Variants in TCOF1 observed in about 807,000 individuals in gnomAD.
The protein encoded by TCOF1 is treacle protein.
Under a neutral mutation model 149.0 loss-of-function variants are expected in TCOF1, and 33 were observed. The ratio of observed to expected loss-of-function variants is 0.22; its 90% CI spans 0.17 to 0.30. The LOEUF (loss-of-function observed/expected upper bound fraction) is 0.30. Ranked by LOEUF, TCOF1 falls within the 10% of genes least tolerant of loss-of-function variation. The pLI is 1.00. For missense variants in TCOF1, 1,728 were observed against 1,840.7 expected, an observed-to-expected ratio of 0.94 and a Z score of 1.12; for synonymous variants, 789 against 738.8, an observed-to-expected ratio of 1.07 and a Z score of -1.10.
Position 150,396,321 on chromosome 5 carries a change from C to T in TCOF1, c.3824C>T (p.Ser1275Phe). 6.2e-7 allele frequency: 1 copy of T among 1,613,980 alleles called. No individual in the cohort carries two copies. The highest frequency in any genetic ancestry group is 8.5e-7 in the Non-Finnish European group (1 of 1,180,048). ...EAASGTTPQK[S>F]RKPKKGAGNP... ...GCTTCAGGCACCACACCTCAGAAGT[C>T]CCGGAAGCCCAAGAAAGGGGCTGGG... Residue 1275 changes from serine (S) to phenylalanine (F), a missense_variant, in exon 24 of 27, where the codon TCC becomes TTC. This residue lies in a region of TCOF1 where 1,696 missense variants were observed against 1,765.4 expected (regional missense o/e 0.96). Transcript: ENST00000643257.
Position 150,379,901 on chromosome 5 carries a change from G to A in TCOF1, c.2859+169G>A, listed in dbSNP as rs148432105. 53,058 of 758,060 alleles carry A rather than the reference G, an allele frequency of 0.07. 2,245 individuals are homozygous for A. Among genetic ancestry groups the A allele is most frequent in the South Asian group, 0.093 (6,174 of 66,684 alleles). The allele number at this position is 758,060 out of a possible 1,614,324, so 47.0% of individuals were successfully genotyped here. A position where few individuals can be genotyped will look rare whatever the true frequency, so the allele number is the denominator to read the frequency against. On this transcript the variant is annotated intron_variant, in intron 17 of 26. Transcript: ENST00000643257. ...AGCCTGGCCAACATGGTGAAACCCC[G>A]TCTCTACTAAAAATATAAAAATTAG...
intron 18 of TCOF1, 70 bp from the exon 19 acceptor site, chr5:150,389,817 G>C: frequency 1.9e-6 from 3 of 1,612,742 alleles, no homozygotes; most frequent in Non-Finnish European, 2.5e-6. Context: ...GGTAAATTGG[G>C]TTATTGCCGC....
chr5:150,379,397 ACGC>A lies in TCOF1; in HGVS notation c.2648_2650del (p.Thr883_Leu884delinsMet). 6.2e-7 allele frequency: 1 copy of A among 1,613,156 alleles called. No homozygotes were observed. The highest frequency in any genetic ancestry group is 1.1e-5 in the South Asian group (1 of 91,022). The stretch of plus-strand genomic sequence containing the variant: ...GTCAGACAGTGAGGAGGAGGCGGAG[ACGC>A]TGGCTCAGGTGAGGGGGAGGGAATG... On this transcript the variant is annotated inframe_deletion, in exon 16 of 27. Coordinates refer to ENST00000643257, the MANE Select transcript of TCOF1 (RefSeq NM_001371623.1).
At chr5:150,367,685 A>G in intron 3 of TCOF1, 159 bp from the exon 4 acceptor site, 1 of 776,380 alleles carries the variant, frequency 1.3e-6, no homozygotes, top group Non-Finnish European at 2.2e-6. Context: ...CTGATGCATC[A>G]CAGAGCTCAT....
chr5:150,362,110 G>A (rs1050468288), intron 2 of TCOF1, among the ~76,000 whole-genome samples: 3 of 152,198 alleles, frequency 2.0e-5, no homozygotes, highest in Non-Finnish European at 1.5e-5. Flanking sequence ...ATGGGTGGGA[G>A]AGGAAGTATC....
intron 3 of TCOF1, 52 bp downstream of exon 3, chr5:150,364,304 G>A: frequency 6.2e-7 from 1 of 1,611,596 alleles, no homozygotes; most frequent in Non-Finnish European, 8.5e-7. Flanking sequence ...ATTGTTCTAG[G>A]GTAGAGTCTA....
intron 17 of TCOF1, among the ~76,000 whole-genome samples, chr5:150,383,555 C>G (rs1431245053): frequency 6.6e-6 from 1 of 152,228 alleles, no homozygotes; most frequent in Non-Finnish European, 1.5e-5. Context: ...GCCACAGTCC[C>G]CTGCCTAAGA....
chr5:150,384,291 T>A, intron 17 of TCOF1: 6 of 989,316 alleles, frequency 6.1e-6, no homozygotes, highest in Non-Finnish European at 7.2e-6. Context: ...TTCTGTTTAA[T>A]CTCCACAACA....
chr5:150,398,497 C>T (rs551119201), intron 25 of TCOF1, 46 bp downstream of exon 25: 20 of 1,613,126 alleles, frequency 1.2e-5, no homozygotes, highest in Middle Eastern at 1.7e-4. Flanking sequence ...AGACCCAAAC[C>T]CAAGCCCCCT....
At position 150,369,630 on chromosome 5, in the gene TCOF1, C is replaced by T. The variant is rs756285419; in HGVS notation, c.639+28C>T. 7 of 1,612,474 alleles carry T rather than the reference C, an allele frequency of 4.3e-6. No individual in the cohort carries two copies. In the African/African-American group the frequency reaches 9.3e-5, roughly 22 times the overall value. On this transcript the variant is annotated intron_variant, in intron 6 of 26. Transcript: ENST00000643257. ...AATTGCCACCCATCCCTAGGAGTTGCCCTCTCCCAGCCTCTAACCCTTCCA... is the reference window on the plus strand; with the variant it reads ...AATTGCCACCCATCCCTAGGAGTTGTCCTCTCCCAGCCTCTAACCCTTCCA...
intron 3 of TCOF1, among the ~76,000 whole-genome samples, chr5:150,367,157 T>C (rs1489565671): frequency 6.6e-6 from 1 of 151,774 alleles, no homozygotes; most frequent in Non-Finnish European, 1.5e-5. Context: ...TACAAAAAAT[T>C]AGCCAGGCAT....
Position 150,379,090 on chromosome 5 carries a change from A to G in TCOF1, c.2478+48A>G, listed in dbSNP as rs765421120. 16 of 1,613,696 alleles carry G rather than the reference A, an allele frequency of 9.9e-6. 1 individual carries two copies. The South Asian group carries it at 1.8e-4, about 18-fold the overall frequency. The stretch of plus-strand genomic sequence containing the variant: ...GGAGGTGTGGAGGGTTGGGGTAGAG[A>G]GGAGGACCAGTCACTGAGCCCAGCC... On this transcript the variant is annotated intron_variant, in intron 15 of 26. Coordinates refer to ENST00000643257, the MANE Select transcript of TCOF1 (RefSeq NM_001371623.1).
chr5:150,369,682 A>G (rs1254608838), intron 6 of TCOF1, 80 bp downstream of exon 6: 24 of 1,484,036 alleles, frequency 1.6e-5, no homozygotes, highest in Non-Finnish European at 2.0e-5. Context: ...TTCAGACACC[A>G]GTGGGCCCAG....
At chr5:150,384,436 T>C (rs865828316) in intron 17 of TCOF1, 2 of 985,350 alleles carry the variant, frequency 2.0e-6, no homozygotes, top group Non-Finnish European at 2.4e-6. Flanking sequence ...GCACAGGCCA[T>C]TCACATTCTG....
At chr5:150,382,946 C>A in intron 17 of TCOF1, 1 of 778,476 alleles carries the variant, frequency 1.3e-6, no homozygotes, top group Non-Finnish European at 2.0e-6. Context: ...CAGGAAGGGG[C>A]CACGCTGCCT....
chr5:150,384,475 C>A (rs1765864065), intron 17 of TCOF1: 1 of 985,358 alleles, frequency 1.0e-6, no homozygotes, highest in Non-Finnish European at 1.2e-6. Flanking sequence ...CCCCGACACT[C>A]TCCTCTCCTG....
In TCOF1 at chr5:150,378,185, T is replaced by C. The variant is rs138232242; in HGVS notation, c.2341-720T>C. ...GGGGGATGGGGTTGTTTTCTGACAC[T>C]GACCAGATGCCATCCCTGAGTGAGG... On this transcript the variant is annotated intron_variant, in intron 14 of 26. Transcript: ENST00000643257. Among the ~76,000 whole-genome samples, 751 of 152,326 alleles carry C rather than the reference T, an allele frequency of 4.9e-3. 5 individuals are homozygous for C. Among genetic ancestry groups the C allele is most frequent in the African/African-American group, 0.017 (708 of 41,576 alleles).
intron 24 of TCOF1, 97 bp downstream of exon 24, chr5:150,396,939 T>C (rs1479891002): frequency 2.8e-5 from 40 of 1,421,502 alleles, no homozygotes; most frequent in Non-Finnish European, 3.8e-5. Flanking sequence ...ATTCCTCCCA[T>C]GTAGAAAAGA....
intron 18 of TCOF1, among the ~76,000 whole-genome samples, 198 bp from the exon 19 acceptor site, chr5:150,389,689 C>T (rs747931586): frequency 1.2e-4 from 18 of 152,332 alleles, no homozygotes; most frequent in Non-Finnish European, 2.2e-4. Flanking sequence ...CATTTGAGCT[C>T]CCTGAGCCTT....
Sources: allele counts gnomAD v4.1 joint callset (sites outside exome capture counted in the v4.1 genomes callset), GRCh38; gene constraint gnomAD v4.1.1; regional missense constraint gnomAD v4.1.1; transcripts MANE v1.5; gene names NCBI Gene and HGNC (gene_info 2026-07-23, HGNC 2026-07-21).